NINL: variants seen among roughly 807,000 people sequenced by gnomAD.
NINL encodes the protein ninein-like protein.
Under a neutral mutation model 160.3 loss-of-function variants are expected in NINL, and 153 were observed. The observed-to-expected ratio is 0.95, with a 90% CI of 0.84 to 1.09. The LOEUF is 1.09. Among genes scored for constraint, NINL ranks in the 50% least tolerant of loss-of-function variants. The probability of loss-of-function intolerance (pLI) is 0.00; values close to 1 mark genes in which losing one functional copy is unlikely to be tolerated. For synonymous variants in NINL, 800 were observed against 734.8 expected, an observed-to-expected ratio of 1.09 and a Z score of -1.43; for missense variants, 1,829 against 1,764.0, an observed-to-expected ratio of 1.04 and a Z score of -0.66.
intron 3 of NINL, among the ~76,000 whole-genome samples, chr20:25,516,442 G>A (rs1378058859): frequency 6.6e-6 from 1 of 152,218 alleles, no homozygotes; most frequent in Non-Finnish European, 1.5e-5. Context: ...CGAACAGTTT[G>A]TTGTTTCTTT....
intron 1 of NINL, among the ~76,000 whole-genome samples, chr20:25,560,230 T>C (rs2064918940): frequency 1.3e-5 from 2 of 152,254 alleles, no homozygotes; most frequent in African/African-American, 4.8e-5. Flanking sequence ...ATTACAGATA[T>C]AAGCCACCAT....
intron 17 of NINL, among the ~76,000 whole-genome samples, chr20:25,475,116 G>A (rs950749083): frequency 1.3e-5 from 2 of 151,446 alleles, no homozygotes; most frequent in Admixed American, 6.6e-5. Context: ...ATTCCTGGTG[G>A]TGCACGCCTG....
At chr20:25,543,858 G>C (rs1232207801) in intron 1 of NINL, among the ~76,000 whole-genome samples, 1 of 151,488 alleles carries the variant, frequency 6.6e-6, no homozygotes, top group Non-Finnish European at 1.5e-5. Context: ...CAAACCTCTA[G>C]CCGGAGGTTT....
Position 25,491,503 on chromosome 20 carries a change from C to T in NINL, c.1333G>A (p.Glu445Lys), listed in dbSNP as rs749457906. 1 of 1,613,978 alleles carries T rather than the reference C, an allele frequency of 6.2e-7. No individual in the cohort carries two copies. Among genetic ancestry groups the T allele is most frequent in the Non-Finnish European group, 8.5e-7 (1 of 1,179,944 alleles). ...KIKHLEQGYRERLSLLRSEVE... is the reference protein window; with the variant it reads ...KIKHLEQGYRKRLSLLRSEVE... The stretch of plus-strand genomic sequence containing the variant: ...TCAGACCGCAGGAGGCTCAGCCTTT[C>T]CCGGTACCCCTGCTCCAGATGCCTG... The change falls in exon 11 of 24, where the codon GAA (glutamate) becomes AAA (lysine). Residue 445 changes from glutamate to lysine, a missense_variant. Transcript: ENST00000278886.
intron 1 of NINL, among the ~76,000 whole-genome samples, chr20:25,539,826 C>A (rs2064630985): frequency 6.6e-6 from 1 of 152,240 alleles, no homozygotes; most frequent in Non-Finnish European, 1.5e-5. Context: ...CAAGGACACC[C>A]CTTCTCTATC....
intron 1 of NINL, among the ~76,000 whole-genome samples, chr20:25,568,431 A>C (rs1446315648): frequency 1.3e-5 from 2 of 151,906 alleles, no homozygotes; most frequent in African/African-American, 4.8e-5. Context: ...TTTTAAAGAC[A>C]GACTCTCACT....
intron 2 of NINL, among the ~76,000 whole-genome samples, chr20:25,523,079 T>G (rs140952070): frequency 3.9e-5 from 6 of 152,320 alleles, no homozygotes; most frequent in African/African-American, 1.4e-4. Context: ...ATGTTTTAAA[T>G]TAGCTCTAGA....
chr20:25,488,458 G>A (rs1390019600), intron 13 of NINL, among the ~76,000 whole-genome samples: 3 of 151,930 alleles, frequency 2.0e-5, no homozygotes, highest in South Asian at 2.1e-4. Context: ...ACTCCTGACC[G>A]CATGATCCAC....
intron 1 of NINL, among the ~76,000 whole-genome samples, chr20:25,540,935 C>T (rs1436155057): frequency 2.3e-4 from 34 of 148,100 alleles, no homozygotes; most frequent in Non-Finnish European, 4.3e-4. Context: ...AAAGCTATCC[C>T]TTTTTTTTTT....
At position 25,476,441 on chromosome 20, in the gene NINL, G is replaced by T; in HGVS notation, c.2850C>A (p.Ala950=). Residue 950 remains alanine, a synonymous_variant, in exon 17 of 24, where the codon GCC becomes GCA. Transcript: ENST00000278886. Reference sequence around the variant, plus strand: ...CCCACATCCGTGGCTGGGTTTGCGAGGCGTCTCTCTCTGTTCCCAGCAGAG... The same window carrying T: ...CCCACATCCGTGGCTGGGTTTGCGATGCGTCTCTCTCTGTTCCCAGCAGAG... ...ELPLLGTERD[A]SQTQPRMWEP... The T allele has an allele frequency of 1.2e-6, 2 of 1,608,904 alleles. No individual in the cohort carries two copies. The highest frequency in any genetic ancestry group is 1.7e-6 in the Non-Finnish European group (2 of 1,179,868).
intron 3 of NINL, among the ~76,000 whole-genome samples, chr20:25,514,002 C>T (rs922234329): frequency 6.6e-6 from 1 of 152,162 alleles, no homozygotes; most frequent in Non-Finnish European, 1.5e-5. Flanking sequence ...TACAAAGATA[C>T]ATGAAAATGT....
rs187030835 is a variant in NINL, at chr20:25,466,369, C to T, written c.3423+1020G>A. Among the ~76,000 whole-genome samples the T allele has an allele frequency of 2.4e-3, 369 of 152,220 alleles. 1 individual carries two copies. The highest frequency in any genetic ancestry group is 2.4e-3 in the Non-Finnish European group (165 of 68,026). On this transcript the variant is annotated intron_variant, in intron 19 of 23. Transcript: ENST00000278886. ...CAGAACACACACATACACATGCACA[C>T]GTGAAATATATAGATATGAACAGAA...
Position 25,477,080 on chromosome 20 carries a change from A to T in NINL, c.2211T>A (p.Ala737=). The change falls in exon 17 of 24, where the codon GCT becomes GCA. Residue 737 remains alanine (A), a synonymous_variant. Transcript: ENST00000278886. ...HSHLQQIRRE[A]EAELSGELSG... ...ACAGCTCTCCACTCAGCTCCGCCTC[A>T]GCCTCTCTCCTGTGGAAGTAGAACC... 6.3e-7 allele frequency: 1 copy of T among 1,594,472 alleles called. No homozygotes were observed. Among genetic ancestry groups the T allele is most frequent in the South Asian group, 1.1e-5 (1 of 90,046 alleles).
chr20:25,492,756 T>C (rs1339686408), intron 10 of NINL, among the ~76,000 whole-genome samples: 1 of 152,072 alleles, frequency 6.6e-6, no homozygotes, highest in Non-Finnish European at 1.5e-5. Flanking sequence ...CATGGTATCA[T>C]TTTTTTAAGA....
At chr20:25,560,195 C>T (rs1486792831) in intron 1 of NINL, among the ~76,000 whole-genome samples, 4 of 152,130 alleles carry the variant, frequency 2.6e-5, no homozygotes, top group Non-Finnish European at 4.4e-5. Flanking sequence ...GGCAATTCTT[C>T]ACCTTAGCCT....
rs1203824773 is a variant in NINL at position 25,494,523 on chromosome 20, ATG to A, written c.1310+2138_1310+2139del. Among the ~76,000 whole-genome samples the A allele has an allele frequency of 3.3e-5, 5 of 152,198 alleles. No individual in the cohort carries two copies. The South Asian group carries it at 1.0e-3, about 32-fold the overall frequency. ...TGCACTCACACTAACTCCCCACACC[ATG>A]TAGAGGCACATGTAGATCTGGACCT... On this transcript the variant is annotated intron_variant, in intron 10 of 23. Coordinates refer to ENST00000278886, the MANE Select transcript of NINL (RefSeq NM_025176.6).
intron 1 of NINL, among the ~76,000 whole-genome samples, chr20:25,567,713 T>C (rs1360845108): frequency 6.6e-6 from 1 of 151,994 alleles, no homozygotes; most frequent in Non-Finnish European, 1.5e-5. Flanking sequence ...TTTAAAAGAA[T>C]AGAAATAATA....
intron 5 of NINL, among the ~76,000 whole-genome samples, chr20:25,509,296 C>T (rs544287418): frequency 2.9e-4 from 44 of 152,220 alleles, no homozygotes; most frequent in African/African-American, 1.0e-3. Context: ...CCAGCCCAGA[C>T]GCATCAGTGA....
At chr20:25,500,763 C>T (rs965621638) in intron 8 of NINL, 77 bp downstream of exon 8, 33 of 1,513,426 alleles carry the variant, frequency 2.2e-5, no homozygotes, top group Non-Finnish European at 2.5e-5. Flanking sequence ...TGGCTTGGGA[C>T]GCTCCATCCA....
Sources: gnomAD v4.1 joint callset for allele counts (sites outside exome capture counted in the v4.1 genomes callset) on GRCh38, gnomAD v4.1.1 for gene constraint, MANE v1.5 for transcripts, NCBI Gene and HGNC (gene_info 2026-07-23, HGNC 2026-07-21) for gene names.